Variants in ADA2 observed in about 807,000 individuals in gnomAD.
ADA2 encodes adenosine deaminase CECR1.
ADA2 carries 29 observed loss-of-function variants against 44.2 expected under a neutral mutation model. The observed-to-expected ratio is 0.66, with a 90% CI of 0.49 to 0.89. ADA2 has a LOEUF of 0.89. Among genes scored for constraint, ADA2 ranks in the 40% least tolerant of loss-of-function variants. The pLI is 0.00. For missense variants in ADA2, 637 were observed against 644.8 expected (o/e 0.99, Z 0.13); for synonymous variants, 215 against 234.9 (o/e 0.92, Z 0.77).
At chr22:17,186,884 T>C (rs999626823) in intron 7 of ADA2, among the ~76,000 whole-genome samples, 4 of 141,966 alleles carry the variant, frequency 2.8e-5, no homozygotes, top group African/African-American at 1.1e-4. Flanking sequence ...ACAAAAAAAT[T>C]GACCAGGTGC....
intron 4 of ADA2, 55 bp from the exon 5 acceptor site, chr22:17,191,865 C>T (rs2231490): frequency 6.4e-7 from 1 of 1,558,328 alleles, no homozygotes; most frequent in Non-Finnish European, 8.7e-7. Context: ...GACGCCACCC[C>T]CTTCCCAGCC....
At chr22:17,195,110 C>G (rs1167411111) in intron 4 of ADA2, among the ~76,000 whole-genome samples, 1 of 152,148 alleles carries the variant, frequency 6.6e-6, no homozygotes, top group Non-Finnish European at 1.5e-5. Context: ...TTTCCTTCAT[C>G]TTGTCACTTC....
chr22:17,209,278 G>T, intron 2 of ADA2, 78 bp downstream of exon 2: 1 of 1,197,172 alleles, frequency 8.4e-7, no homozygotes, highest in South Asian at 1.4e-5. Context: ...AATAGCAACA[G>T]CCACAAGCAC....
Position 17,183,756 on chromosome 22 carries a change from C to G in ADA2, c.1082-995G>C, listed in dbSNP as rs1157396901. 4.6e-5 allele frequency among the ~76,000 whole-genome samples: 7 copies of G among 152,072 alleles called. No individual in the cohort carries two copies. In the South Asian group the frequency reaches 1.5e-3, roughly 32 times the overall value. On this transcript the variant is annotated intron_variant, in intron 7 of 9. Coordinates refer to ENST00000399837, the MANE Select transcript of ADA2 (RefSeq NM_001282225.2). The stretch of plus-strand genomic sequence containing the variant: ...TGATTATAGGCATGAGCCACCGCAC[C>G]GGGCTCTGGGACTCTTATGCTTATG...
intron 4 of ADA2, among the ~76,000 whole-genome samples, chr22:17,195,533 A>AC (rs560065724): frequency 6.6e-6 from 1 of 151,754 alleles, no homozygotes; most frequent in South Asian, 2.1e-4. Context: ...CGTCTCAAAA[A>AC]AAAACAAAAC....
chr22:17,202,137 T>G (rs1258540606), intron 4 of ADA2, among the ~76,000 whole-genome samples: 2 of 136,052 alleles, frequency 1.5e-5, no homozygotes, highest in Non-Finnish European at 3.3e-5. Flanking sequence ...GCCAGCTAAT[T>G]TTTTTTTTTT....
intron 5 of ADA2, 57 bp from the exon 6 acceptor site, chr22:17,190,089 C>T: frequency 7.5e-7 from 1 of 1,340,382 alleles, no homozygotes; most frequent in Non-Finnish European, 1.1e-6. Flanking sequence ...GAGCACAAAC[C>T]CCAGAGCACA....
intron 5 of ADA2, 61 bp from the exon 6 acceptor site, chr22:17,190,093 G>C: frequency 7.6e-7 from 1 of 1,313,084 alleles, no homozygotes; most frequent in Non-Finnish European, 1.1e-6. Context: ...ACAAACCCCA[G>C]AGCACACCCT....
intron 4 of ADA2, 92 bp from the exon 5 acceptor site, chr22:17,191,902 C>G: frequency 7.7e-7 from 1 of 1,303,902 alleles, no homozygotes; most frequent in Non-Finnish European, 1.0e-6. Context: ...CCCTGGCCAG[C>G]CACCCCTGCC....
chr22:17,213,992 T>C, intron 1 of ADA2: 1 of 349,124 alleles, frequency 2.9e-6, no homozygotes, highest in Non-Finnish European at 5.4e-6. Context: ...TGAGCCAAGA[T>C]TGTTCCATTG....
At chr22:17,183,595 G>A (rs1309481996) in intron 7 of ADA2, among the ~76,000 whole-genome samples, 1 of 151,328 alleles carries the variant, frequency 6.6e-6, no homozygotes, top group African/African-American at 2.4e-5. Flanking sequence ...CTGAGTAGCT[G>A]GGATTACAGG....
At position 17,191,769 on chromosome 22, in the gene ADA2, T is replaced by C. The variant is rs1321901235; in HGVS notation, c.795A>G (p.Ser265=). ...GAGCTACTTCCTGGTAAGTCTTCAC[T>C]GACCACTCTTCGTCATGGTGCTCTC... ...LSGEHHDEEW[S]VKTYQEVAQK... Residue 265 remains serine, a synonymous_variant, in exon 5 of 10, where the codon TCA becomes TCG. Transcript: ENST00000399837. 6.2e-7 allele frequency: 1 copy of C among 1,613,800 alleles called. No homozygotes were observed. The highest frequency in any genetic ancestry group is 2.2e-5 in the East Asian group (1 of 44,874).
At chr22:17,189,090 G>C (rs1321126776) in intron 6 of ADA2, among the ~76,000 whole-genome samples, 1 of 145,144 alleles carries the variant, frequency 6.9e-6, no homozygotes, top group East Asian at 2.1e-4. Context: ...TGCAATCTCA[G>C]CTCACTGCAA....
intron 5 of ADA2, among the ~76,000 whole-genome samples, chr22:17,190,375 C>T (rs1180455492): frequency 7.2e-5 from 11 of 152,184 alleles, no homozygotes; most frequent in Admixed American, 1.3e-4. Flanking sequence ...GCATCTCTGT[C>T]GGGGGTGTAG....
At position 17,209,560 on chromosome 22, in the gene ADA2, T is replaced by C. The variant is rs776260547; in HGVS notation, c.118A>G (p.Lys40Glu). ...IDETRAHLLL[K>E]EKMMRLGGRL... ...CCCCCCAGCCGCATCATCTTTTCTT[T>C]CAACAACAGATGCGCCCGTGTTTCA... Residue 40 changes from lysine (K) to glutamate (E), a missense_variant, in exon 2 of 10, where the codon AAA becomes GAA. Lys to Glu is a moderately conservative substitution (Grantham distance 56). Coordinates refer to ENST00000399837, the MANE Select transcript of ADA2 (RefSeq NM_001282225.2). 2 of 1,614,088 alleles carry C rather than the reference T, an allele frequency of 1.2e-6. No individual in the cohort carries two copies. The highest frequency in any genetic ancestry group is 2.2e-5 in the South Asian group (2 of 91,082).
In ADA2 at chr22:17,181,939, A is replaced by G; in HGVS notation, c.1323T>C (p.Asp441=). The G allele has an allele frequency of 6.2e-7, 1 of 1,614,204 alleles. No homozygotes were observed. The highest frequency in any genetic ancestry group is 8.5e-7 in the Non-Finnish European group (1 of 1,180,008). Residue 441 remains aspartate (D), a synonymous_variant, in exon 9 of 10, where the codon GAT becomes GAC. Transcript: ENST00000399837. ...CTTTGGCACCAAACATAGCTGGGTC[A>G]TCAGAGCTGATCACCATGGGGTGCC... is the stretch of plus-strand genomic sequence containing the variant. The part of the protein sequence containing the change: ...ATGHPMVISS[D]DPAMFGAKGL...
chr22:17,216,430 T>C (rs1052300109), intron 1 of ADA2, among the ~76,000 whole-genome samples: 8 of 151,524 alleles, frequency 5.3e-5, no homozygotes, highest in Admixed American at 2.6e-4. Flanking sequence ...TGTTTCATAG[T>C]AGACTAGGGT....
At chr22:17,192,537 G>A (rs1444648536) in intron 4 of ADA2, among the ~76,000 whole-genome samples, 5 of 152,102 alleles carry the variant, frequency 3.3e-5, no homozygotes, top group Admixed American at 2.6e-4. Context: ...TAAGGGAAGG[G>A]AGGTGTGTAA....
Position 17,207,080 on chromosome 22 carries a change from A to C in ADA2, c.533T>G (p.Phe178Cys). The C allele has an allele frequency of 6.2e-7, 1 of 1,614,010 alleles. No individual in the cohort carries two copies. Among genetic ancestry groups the C allele is most frequent in the Middle Eastern group, 1.6e-4 (1 of 6,062 alleles). ...CTGAACTACTACTCACCTGTCATCA[A>C]ACTCAGTGACGTTCTGCACCCGCTT... ...YRKRVQNVTEFDDSLLRNFTL... is the reference protein window; with the variant it reads ...YRKRVQNVTECDDSLLRNFTL... The change falls in exon 3 of 10, where the codon TTT becomes TGT. Residue 178 changes from phenylalanine (F) to cysteine (C), a missense_variant. Physicochemically the swap from Phe to Cys is radical, Grantham distance 205. Coordinates refer to ENST00000399837, the MANE Select transcript of ADA2 (RefSeq NM_001282225.2).
Sources: gnomAD v4.1 joint callset for allele counts (sites outside exome capture counted in the v4.1 genomes callset) on GRCh38, gnomAD v4.1.1 for gene constraint, MANE v1.5 for transcripts, NCBI Gene and HGNC (gene_info 2026-07-23, HGNC 2026-07-21) for gene names.